The following ARHGEF33 variants were observed in gnomAD, a reference collection of about 807,000 sequenced individuals.
ARHGEF33 encodes the protein DH and coiled-coil domain-containing protein ENSP00000381780.
In ARHGEF33, 72 loss-of-function variants were observed where a neutral mutation model predicts 101.9. That is an observed-to-expected ratio of 0.71 (90% CI 0.58 to 0.86). ARHGEF33 has a LOEUF of 0.86. Ranked by LOEUF, ARHGEF33 falls within the 40% of genes least tolerant of loss-of-function variation. The probability of loss-of-function intolerance (pLI) is 0.00; values close to 1 mark genes in which losing one functional copy is unlikely to be tolerated. For synonymous variants in ARHGEF33, 499 were observed against 442.5 expected, an observed-to-expected ratio of 1.13 and a Z score of -1.60; for missense variants, 1,169 against 1,111.3, an observed-to-expected ratio of 1.05 and a Z score of -0.74.
intron 13 of ARHGEF33, among the ~76,000 whole-genome samples, chr2:38,955,619 C>T (rs1667721093): frequency 6.6e-6 from 1 of 150,768 alleles, no homozygotes. Context: ...CCCACCTCGG[C>T]CTCCTGAGTA....
intron 6 of ARHGEF33, among the ~76,000 whole-genome samples, chr2:38,930,367 G>A (rs1176267389): frequency 4.8e-4 from 58 of 121,440 alleles, no homozygotes; most frequent in Non-Finnish European, 4.0e-4. Flanking sequence ...TTTTTTTTTT[G>A]GAGACAGAAT....
chr2:38,969,836 C>T lies in ARHGEF33; in HGVS notation c.2483+3691C>T, dbSNP rs148583785. Among the ~76,000 whole-genome samples, 308 of 152,338 alleles carry T rather than the reference C, an allele frequency of 2.0e-3. 3 individuals are homozygous for T. Among genetic ancestry groups the T allele is most frequent in the African/African-American group, 6.8e-3 (284 of 41,568 alleles). ...GCTAGACCAATACTTATTCCCCTGC[C>T]TTTGAGCAGGATGGAAGGCAAACTG... On this transcript the variant is annotated intron_variant, in intron 17 of 17. Transcript: ENST00000409978.
intron 2 of ARHGEF33, among the ~76,000 whole-genome samples, chr2:38,906,303 T>C (rs1171107790): frequency 6.6e-6 from 1 of 152,202 alleles, no homozygotes; most frequent in Non-Finnish European, 1.5e-5. Context: ...AACACTTCTC[T>C]TCTTTTTTTA....
intron 2 of ARHGEF33, among the ~76,000 whole-genome samples, chr2:38,902,487 C>G (rs984674583): frequency 3.3e-5 from 5 of 152,206 alleles, no homozygotes; most frequent in Non-Finnish European, 5.9e-5. Flanking sequence ...CACTTATCCT[C>G]TCTGGACCTC....
In ARHGEF33 at chr2:38,899,027, AT is replaced by A. The variant is rs532389641; in HGVS notation, c.-86+3188del. 8.6e-3 allele frequency among the ~76,000 whole-genome samples: 1,291 copies of A among 150,490 alleles called. 24 individuals are homozygous for A. Among genetic ancestry groups the A allele is most frequent in the African/African-American group, 0.029 (1,184 of 41,114 alleles). On this transcript the variant is annotated intron_variant, in intron 2 of 17. Coordinates refer to ENST00000409978, the MANE Select transcript of ARHGEF33 (RefSeq NM_001145451.5). ...CCAGTTTGCCTTTTCTAACTCATTA[AT>A]TTTTTTTTTAAAGAGTGGTCTTCTT...
At chr2:38,961,795 G>C (rs1667949680) in intron 16 of ARHGEF33, among the ~76,000 whole-genome samples, 1 of 151,866 alleles carries the variant, frequency 6.6e-6, no homozygotes, top group South Asian at 2.1e-4. Context: ...AACCTTTGGG[G>C]TCATGGTGGT....
chr2:38,908,781 G>T (rs79824360), intron 2 of ARHGEF33, among the ~76,000 whole-genome samples: 7,086 of 152,258 alleles, frequency 0.047, 201 homozygotes, highest in Middle Eastern at 0.061. Flanking sequence ...AGGAGAGCCT[G>T]CTCTTTCTTG....
chr2:38,892,595 C>T (rs1003403096), intron 1 of ARHGEF33, among the ~76,000 whole-genome samples: 3 of 152,156 alleles, frequency 2.0e-5, no homozygotes, highest in Non-Finnish European at 2.9e-5. Context: ...TTGACAAAAA[C>T]AAAAGTTAAG....
At chr2:38,921,213 C>T (rs951955151) in intron 3 of ARHGEF33, among the ~76,000 whole-genome samples, 161 bp from the exon 4 acceptor site, 2 of 152,100 alleles carry the variant, frequency 1.3e-5, no homozygotes, top group African/African-American at 4.8e-5. Context: ...ATATGGACAC[C>T]ACCTACTTCA....
chr2:38,943,874 C>G (rs1268203324), intron 9 of ARHGEF33, 27 bp from the exon 10 acceptor site: 1 of 1,547,564 alleles, frequency 6.5e-7, no homozygotes. Flanking sequence ...TGGTTAATAT[C>G]AAGTCCTCTT....
At chr2:38,962,925 G>C (rs914255045) in intron 16 of ARHGEF33, among the ~76,000 whole-genome samples, 4 of 149,944 alleles carry the variant, frequency 2.7e-5, no homozygotes, top group Non-Finnish European at 5.9e-5. Context: ...TCAGGAGGCT[G>C]AGGCGAGAGA....
intron 10 of ARHGEF33, among the ~76,000 whole-genome samples, chr2:38,947,561 A>G (rs1667483819): frequency 1.3e-5 from 2 of 152,130 alleles, no homozygotes; most frequent in Non-Finnish European, 2.9e-5. Flanking sequence ...TATACATCAT[A>G]CCACTAACAG....
At chr2:38,907,944 G>C (rs1666428228) in intron 2 of ARHGEF33, among the ~76,000 whole-genome samples, 1 of 148,794 alleles carries the variant, frequency 6.7e-6, no homozygotes, top group Middle Eastern at 3.2e-3. Flanking sequence ...CTGCAGCCTT[G>C]ACCTCCTGGG....
Position 38,960,441 on chromosome 2 carries a change from C to G in ARHGEF33, c.2136C>G (p.Phe712Leu). ...CGCTGAGCCGCTCTCTCAAAGAGTT[C>G]CCGCGTGCGCCGCCAGCCGACGGCG... is the stretch of plus-strand genomic sequence containing the variant. ...AKPLSRSLKE[F>L]PRAPPADGVA... is the part of the protein sequence containing the mutation. Residue 712 changes from phenylalanine (F) to leucine (L), a missense_variant, in exon 16 of 18, where the codon TTC becomes TTG. Transcript: ENST00000409978. 6.7e-7 allele frequency: 1 copy of G among 1,497,370 alleles called. No individual in the cohort carries two copies. The highest frequency in any genetic ancestry group is 8.8e-7 in the Non-Finnish European group (1 of 1,130,188). The allele number at this position is 1,497,370 out of a possible 1,614,324, so 92.8% of individuals were successfully genotyped here. A position where few individuals can be genotyped will look rare whatever the true frequency, so the allele number is the denominator to read the frequency against.
At chr2:38,925,491 G>T (rs1173552477) in intron 4 of ARHGEF33, among the ~76,000 whole-genome samples, 2 of 152,202 alleles carry the variant, frequency 1.3e-5, no homozygotes, top group East Asian at 3.8e-4. Flanking sequence ...ACACCAGGCT[G>T]CATGTCAGTC....
intron 16 of ARHGEF33, among the ~76,000 whole-genome samples, chr2:38,961,827 G>A (rs1203148042): frequency 6.6e-6 from 1 of 151,900 alleles, no homozygotes; most frequent in East Asian, 1.9e-4. Flanking sequence ...TCCTAGATAA[G>A]TTGAATGTCC....
rs192683577 is a variant in ARHGEF33, at chr2:38,901,493, G to A, written c.-86+5644G>A. 8.3e-4 allele frequency among the ~76,000 whole-genome samples: 127 copies of A among 152,292 alleles called. 1 individual carries two copies. The highest frequency in any genetic ancestry group is 3.0e-3 in the African/African-American group (125 of 41,560). On this transcript the variant is annotated intron_variant, in intron 2 of 17. Transcript: ENST00000409978. ...CCGGGTAGGGCTCACTTCTGAGCTC[G>A]GTACTTCAGACCTTGGAAGCTAACA...
intron 9 of ARHGEF33, among the ~76,000 whole-genome samples, chr2:38,940,857 G>T (rs1383097526): frequency 6.6e-6 from 1 of 152,128 alleles, no homozygotes; most frequent in African/African-American, 2.4e-5. Flanking sequence ...GGTGGGCAGG[G>T]GGTTATGCAG....
intron 10 of ARHGEF33, 36 bp from the exon 11 acceptor site, chr2:38,950,953 C>T (rs1024431568): frequency 1.9e-6 from 3 of 1,545,676 alleles, no homozygotes; most frequent in Middle Eastern, 1.7e-4. Flanking sequence ...TTCTCTACAC[C>T]TTGTTTGTGT....
Sources: allele counts gnomAD v4.1 joint callset (sites outside exome capture counted in the v4.1 genomes callset), GRCh38; gene constraint gnomAD v4.1.1; transcripts MANE v1.5; gene names NCBI Gene and HGNC (gene_info 2026-07-23, HGNC 2026-07-21).